Variants in IFT57 observed in about 807,000 individuals in gnomAD.
IFT57 encodes the protein intraflagellar transport 57.
Under a neutral mutation model 56.8 loss-of-function variants are expected in IFT57, and 59 were observed. The ratio of observed to expected loss-of-function variants is 1.04; its 90% CI spans 0.84 to 1.29. The LOEUF (loss-of-function observed/expected upper bound fraction) is 1.29, where lower values mean the gene tolerates loss of function less well. IFT57 is among the 50% of genes most tolerant of loss of function. IFT57 has a pLI of 0.00. For synonymous variants in IFT57, 209 were observed against 186.1 expected, an observed-to-expected ratio of 1.12 and a Z score of -1.00; for missense variants, 470 against 522.1, an observed-to-expected ratio of 0.90 and a Z score of 0.97.
chr3:108,219,321 C>A, intron 2 of IFT57, 89 bp downstream of exon 2: 2 of 1,034,108 alleles, frequency 1.9e-6, no homozygotes, highest in South Asian at 1.4e-5. Flanking sequence ...ACAGAGGAGT[C>A]ATCTAAATGG....
chr3:108,166,871 G>A lies in IFT57; in HGVS notation c.964C>T (p.Gln322Ter). 1 of 1,610,902 alleles carries A rather than the reference G, an allele frequency of 6.2e-7. No individual in the cohort carries two copies. Among genetic ancestry groups the A allele is most frequent in the South Asian group, 1.1e-5 (1 of 90,596 alleles). ...TAAATTACCTCACTCAGCTGGGCTTGAGCTGCACGATATTCTTGAACCAAA... is the reference window on the plus strand; with the variant it reads ...TAAATTACCTCACTCAGCTGGGCTTAAGCTGCACGATATTCTTGAACCAAA... ...ENLVQEYRAAQAQLSEAKERY... is the reference protein window; with the variant it reads ...ENLVQEYRAA Residue 322 changes from glutamine to a stop codon, truncating the protein, a stop_gained, in exon 8 of 11, where the codon CAA becomes TAA. Coordinates refer to ENST00000264538, the MANE Select transcript of IFT57 (RefSeq NM_018010.4). LOFTEE classifies it high-confidence loss of function.
chr3:108,196,468 A>C (rs1353155654), intron 5 of IFT57, among the ~76,000 whole-genome samples: 1 of 152,228 alleles, frequency 6.6e-6, no homozygotes, highest in Admixed American at 6.5e-5. Flanking sequence ...GGCCATTTGA[A>C]CTAGACCTAG....
intron 5 of IFT57, among the ~76,000 whole-genome samples, chr3:108,197,644 T>C (rs183612668): frequency 6.6e-5 from 10 of 152,302 alleles, no homozygotes; most frequent in African/African-American, 2.2e-4. Context: ...TTGAAGAGCT[T>C]ATATCATATA....
At chr3:108,216,363 T>C (rs1385019801) in intron 3 of IFT57, among the ~76,000 whole-genome samples, 2 of 152,166 alleles carry the variant, frequency 1.3e-5, no homozygotes, top group Non-Finnish European at 2.9e-5. Context: ...CCAACAGATA[T>C]ATGCAAAAAT....
intron 4 of IFT57, among the ~76,000 whole-genome samples, chr3:108,213,362 C>T (rs553028801): frequency 6.6e-6 from 1 of 152,220 alleles, no homozygotes; most frequent in East Asian, 1.9e-4. Context: ...CAGGGTCAAT[C>T]TAATTCTAGT....
In IFT57 at chr3:108,206,616, G is replaced by A. The variant is rs186434683; in HGVS notation, c.654+12C>T. 281 of 1,283,738 alleles carry A rather than the reference G, an allele frequency of 2.2e-4. 2 individuals are homozygous for A. In the African/African-American group the frequency reaches 3.9e-3, roughly 18 times the overall value. 79.5% of individuals were successfully genotyped at this position (1,283,738 alleles called of 1,614,324 possible). On this transcript the variant is annotated intron_variant, in intron 5 of 10. Transcript: ENST00000264538. Reference sequence around the variant, plus strand: ...TTGCTTGTTGGTCCTGCATGTATCTGATGAAACTTACCAAGTGATATGTCT... The same window carrying A: ...TTGCTTGTTGGTCCTGCATGTATCTAATGAAACTTACCAAGTGATATGTCT...
At chr3:108,205,906 ATAT>A (rs1349643107) in intron 5 of IFT57, among the ~76,000 whole-genome samples, 3 of 130,422 alleles carry the variant, frequency 2.3e-5, no homozygotes, top group Non-Finnish European at 4.7e-5. Flanking sequence ...ACATAATTAT[ATAT>A]TAATATATAT....
At chr3:108,167,718 C>T in intron 7 of IFT57, 75 bp downstream of exon 7, 1 of 1,014,244 alleles carries the variant, frequency 9.9e-7, no homozygotes, top group South Asian at 2.2e-5. Flanking sequence ...TCTTTTTATT[C>T]TTTCATGTTC....
At chr3:108,185,591 G>C (rs9850721) in intron 6 of IFT57, among the ~76,000 whole-genome samples, 1 of 120,666 alleles carries the variant, frequency 8.3e-6, no homozygotes, top group South Asian at 2.6e-4. Context: ...ATGGAGTTTC[G>C]CTCGTTGCCC....
chr3:108,168,001 A>C (rs938976067), intron 6 of IFT57, 137 bp from the exon 7 acceptor site: 1 of 481,258 alleles, frequency 2.1e-6, no homozygotes, highest in Non-Finnish European at 3.7e-6. Context: ...TATAGCTTGC[A>C]ATCAGATTAT....
chr3:108,206,639 T>C lies in IFT57; in HGVS notation c.643A>G (p.Thr215Ala). 7.2e-7 allele frequency: 1 copy of C among 1,384,078 alleles called. No individual in the cohort carries two copies. The allele number at this position is 1,384,078 out of a possible 1,614,324, so 85.7% of individuals were successfully genotyped here. The change falls in exon 5 of 11, where the codon ACA (threonine) becomes GCA (alanine). Residue 215 changes from threonine to alanine, a missense_variant. Physicochemically the swap from Thr to Ala is moderately conservative, Grantham distance 58. Transcript: ENST00000264538. ...FIDLNVLKAQ[T>A]YHLDMNETAK... Reference sequence around the variant, plus strand: ...CTGATGAAACTTACCAAGTGATATGTCTGGGCCTTTAAAACGTTGAGATCA... The same window carrying C: ...CTGATGAAACTTACCAAGTGATATGCCTGGGCCTTTAAAACGTTGAGATCA...
intron 6 of IFT57, among the ~76,000 whole-genome samples, chr3:108,171,590 G>A (rs1039078224): frequency 1.3e-5 from 2 of 151,628 alleles, no homozygotes; most frequent in African/African-American, 2.4e-5. Context: ...TTCACCACCC[G>A]TGACTATGAC....
chr3:108,196,109 T>TA (rs532686533), intron 5 of IFT57, among the ~76,000 whole-genome samples: 50 of 152,176 alleles, frequency 3.3e-4, no homozygotes, highest in Non-Finnish European at 5.1e-4. Flanking sequence ...ATACACCCCA[T>TA]AAATATGCAC....
At chr3:108,208,047 GAAAAAA>G (rs869115655) in intron 4 of IFT57, among the ~76,000 whole-genome samples, 1 of 92,364 alleles carries the variant, frequency 1.1e-5, no homozygotes, top group Non-Finnish European at 2.4e-5. Context: ...CGTCTCAAAA[GAAAAAA>G]AAAAAAAAAG....
chr3:108,181,883 T>C (rs1045117069), intron 6 of IFT57, among the ~76,000 whole-genome samples: 1 of 152,110 alleles, frequency 6.6e-6, no homozygotes, highest in Non-Finnish European at 1.5e-5. Flanking sequence ...TTGTTTTTCT[T>C]TAAATTACGT....
intron 5 of IFT57, among the ~76,000 whole-genome samples, chr3:108,203,827 G>A (rs1487986022): frequency 6.6e-6 from 1 of 152,142 alleles, no homozygotes; most frequent in Non-Finnish European, 1.5e-5. Flanking sequence ...TGGGTGAGAG[G>A]ACAGAGAATG....
intron 6 of IFT57, among the ~76,000 whole-genome samples, chr3:108,186,101 A>G (rs911689599): frequency 5.9e-5 from 9 of 152,304 alleles, no homozygotes; most frequent in African/African-American, 1.9e-4. Flanking sequence ...CTCTATGGAA[A>G]GAATTGTCAA....
intron 5 of IFT57, among the ~76,000 whole-genome samples, chr3:108,196,687 G>T (rs1047958972): frequency 6.6e-6 from 1 of 152,034 alleles, no homozygotes; most frequent in Non-Finnish European, 1.5e-5. Context: ...TCACTCACTC[G>T]TAGGCCATAA....
chr3:108,203,911 GCA>G (rs1260443286), intron 5 of IFT57, among the ~76,000 whole-genome samples: 3 of 152,174 alleles, frequency 2.0e-5, no homozygotes, highest in Admixed American at 6.5e-5. Context: ...GGCTGGGCTT[GCA>G]CAGTCACATA....
Sources: gnomAD v4.1 joint callset for allele counts (sites outside exome capture counted in the v4.1 genomes callset) on GRCh38, gnomAD v4.1.1 for gene constraint, MANE v1.5 for transcripts, NCBI Gene and HGNC (gene_info 2026-07-23, HGNC 2026-07-21) for gene names.